Variants in ARHGEF4 observed in about 807,000 individuals in gnomAD.
ARHGEF4 encodes the protein Rho guanine nucleotide exchange factor 4.
In ARHGEF4, 119 loss-of-function variants were observed where a neutral mutation model predicts 162.0. That is an observed-to-expected ratio of 0.73 (90% CI 0.63 to 0.86). The LOEUF is 0.86. Among genes scored for constraint, ARHGEF4 ranks in the 40% least tolerant of loss-of-function variants. The pLI is 0.00. For synonymous variants in ARHGEF4, 1,014 were observed against 979.9 expected (o/e 1.03, Z -0.65); for missense variants, 2,488 against 2,456.0 (o/e 1.01, Z -0.28).
chr2:130,976,442 G>A (rs563387952), intron 4 of ARHGEF4, among the ~76,000 whole-genome samples: 4 of 151,888 alleles, frequency 2.6e-5, no homozygotes, highest in Non-Finnish European at 5.9e-5. Flanking sequence ...GCACCTGCAC[G>A]CAGACGCTGC....
Position 131,046,181 on chromosome 2 carries a change from C to T in ARHGEF4, c.5623C>T (p.Arg1875Cys), listed in dbSNP as rs367890416. The change falls in exon 14 of 14, where the codon CGC (arginine) becomes TGC (cysteine). Residue 1875 changes from arginine (R) to cysteine (C), a missense_variant. Around this residue, in one of 6 missense-constraint regions of ARHGEF4, gnomAD observed 415 missense variants for 512.4 expected, o/e 0.81. Coordinates refer to ENST00000409359, the MANE Select transcript of ARHGEF4 (RefSeq NM_001367493.1). ...WHSISRLAPF[R>C]K ...CAGCATCAGCCGGCTGGCACCCTTCCGCAAGTGAACTGGTCCCTGCCTGAC... is the reference window on the plus strand; with the variant it reads ...CAGCATCAGCCGGCTGGCACCCTTCTGCAAGTGAACTGGTCCCTGCCTGAC... The T allele has an allele frequency of 7.0e-5, 112 of 1,611,504 alleles. No individual in the cohort carries two copies. Among genetic ancestry groups the T allele is most frequent in the Non-Finnish European group, 9.2e-5 (108 of 1,178,938 alleles).
intron 1 of ARHGEF4, among the ~76,000 whole-genome samples, chr2:130,872,337 A>G (rs1678541307): frequency 6.6e-6 from 1 of 152,134 alleles, no homozygotes; most frequent in Non-Finnish European, 1.5e-5. Flanking sequence ...TCCAGAAGGC[A>G]CCAGGAGCAT....
At position 130,914,116 on chromosome 2, in the gene ARHGEF4, C is replaced by T. The variant is rs1462169481; in HGVS notation, c.170C>T (p.Ser57Phe). Residue 57 changes from serine to phenylalanine, a missense_variant, in exon 2 of 14, where the codon TCC becomes TTC. Ser to Phe is a radical substitution (Grantham distance 155). Around this residue, in one of 6 missense-constraint regions of ARHGEF4, gnomAD observed 171 missense variants for 169.4 expected, o/e 1.01. Transcript: ENST00000409359. Reference sequence around the variant, plus strand: ...GACCGCGATGATTCTGAAACGCTGTCCCAGCAGAGTGAAAGTGGATCAGAC... The same window carrying T: ...GACCGCGATGATTCTGAAACGCTGTTCCAGCAGAGTGAAAGTGGATCAGAC... ...QTDRDDSETL[S>F]QQSESGSDTK... 6.5e-7 allele frequency: 1 copy of T among 1,536,142 alleles called. No homozygotes were observed. Among genetic ancestry groups the T allele is most frequent in the South Asian group, 1.2e-5 (1 of 84,062 alleles).
intron 1 of ARHGEF4, among the ~76,000 whole-genome samples, chr2:130,839,581 G>A (rs981522375): frequency 9.9e-5 from 15 of 152,272 alleles, no homozygotes; most frequent in East Asian, 3.9e-4. Context: ...GTCCCTCCCC[G>A]TGCAGGCAGA....
chr2:130,960,515 C>A (rs769133649), intron 4 of ARHGEF4, among the ~76,000 whole-genome samples: 4 of 152,130 alleles, frequency 2.6e-5, no homozygotes, highest in Non-Finnish European at 4.4e-5. Flanking sequence ...CTATGATGTT[C>A]ACACAAGAAA....
chr2:130,981,377 TA>T (rs1489171899), intron 4 of ARHGEF4, among the ~76,000 whole-genome samples: 1 of 151,890 alleles, frequency 6.6e-6, no homozygotes, highest in African/African-American at 2.4e-5. Context: ...CAGCAACAAA[TA>T]AAAACTAGAA....
At chr2:130,841,266 A>G (rs960040800) in intron 1 of ARHGEF4, among the ~76,000 whole-genome samples, 14 of 151,314 alleles carry the variant, frequency 9.3e-5, no homozygotes, top group African/African-American at 2.9e-4. Context: ...GGATTTCGCT[A>G]TGCTGGCCAG....
At chr2:130,875,514 C>T (rs1278412102) in intron 1 of ARHGEF4, among the ~76,000 whole-genome samples, 1 of 152,176 alleles carries the variant, frequency 6.6e-6, no homozygotes. Context: ...GAAGGGAAAG[C>T]AGGCAATTGT....
intron 1 of ARHGEF4, among the ~76,000 whole-genome samples, chr2:130,903,301 C>A (rs72855953): frequency 0.024 from 3,639 of 151,280 alleles, 172 homozygotes; most frequent in East Asian, 0.19. Context: ...TCGCTGTCAC[C>A]AGGCTAGAGT....
At chr2:130,881,652 T>G (rs1679195488) in intron 1 of ARHGEF4, among the ~76,000 whole-genome samples, 1 of 151,950 alleles carries the variant, frequency 6.6e-6, no homozygotes, top group South Asian at 2.1e-4. Context: ...ACGTACAAGG[T>G]TTTGCTATAG....
Position 130,916,866 on chromosome 2 carries a change from C to G in ARHGEF4, c.2920C>G (p.Leu974Val), listed in dbSNP as rs774535174. 4 of 1,550,504 alleles carry G rather than the reference C, an allele frequency of 2.6e-6. No homozygotes were observed. The South Asian group carries it at 4.8e-5, about 18-fold the overall frequency. The change falls in exon 2 of 14, where the codon CTA (leucine) becomes GTA (valine). Residue 974 changes from leucine to valine, a missense_variant. This residue lies in a region of ARHGEF4 where 1,642 missense variants were observed against 1,481.5 expected (regional missense o/e 1.11). Transcript: ENST00000409359. ...PKKPTLVSLP[L>V]GPEVLSPAET... ...AAAGCCCACCCTAGTGAGTCTGCCTCTAGGACCCGAAGTTCTCTCCCCAGC... is the reference window on the plus strand; with the variant it reads ...AAAGCCCACCCTAGTGAGTCTGCCTGTAGGACCCGAAGTTCTCTCCCCAGC...
intron 2 of ARHGEF4, among the ~76,000 whole-genome samples, chr2:130,920,552 CTCTG>C (rs1232477198): frequency 9.9e-5 from 15 of 152,170 alleles, no homozygotes; most frequent in East Asian, 1.9e-4. Context: ...GAAAGGTTCC[CTCTG>C]TCTGGTAGAA....
chr2:130,937,962 C>T (rs1454096152), intron 3 of ARHGEF4, among the ~76,000 whole-genome samples: 2 of 152,090 alleles, frequency 1.3e-5, no homozygotes, highest in African/African-American at 2.4e-5. Flanking sequence ...CCACTGCACC[C>T]GGCCTTTGTA....
At chr2:130,838,523 T>C (rs1814356) in intron 1 of ARHGEF4, among the ~76,000 whole-genome samples, 12,692 of 152,072 alleles carry the variant, frequency 0.083, 713 homozygotes, top group East Asian at 0.19. Flanking sequence ...GGAGAATTGC[T>C]TGAACCCGGG....
rs531782087 is a variant in ARHGEF4 at position 131,020,628 on chromosome 2, T to C, written c.3986-7317T>C. On this transcript the variant is annotated intron_variant, in intron 4 of 13. Transcript: ENST00000409359. ...TGGGTTGGTTCCAAGTCTTTGCTAT[T>C]GTGAATAGTGCTGCAATAAACTTAC... 1.3e-3 allele frequency among the ~76,000 whole-genome samples: 192 copies of C among 152,274 alleles called. 1 individual carries two copies. Among genetic ancestry groups the C allele is most frequent in the Non-Finnish European group, 2.3e-3 (155 of 68,024 alleles).
intron 2 of ARHGEF4, among the ~76,000 whole-genome samples, chr2:130,920,177 C>T (rs1179193969): frequency 6.6e-6 from 1 of 152,160 alleles, no homozygotes; most frequent in Non-Finnish European, 1.5e-5. Context: ...GGCGAGATCA[C>T]GGTTCACTGC....
At chr2:130,909,212 G>A (rs114719704) in intron 1 of ARHGEF4, among the ~76,000 whole-genome samples, 2 of 152,310 alleles carry the variant, frequency 1.3e-5, no homozygotes, top group African/African-American at 2.4e-5. Context: ...ATAAAGACCT[G>A]TACATGGATG....
At chr2:130,893,140 A>G (rs1054986481) in intron 1 of ARHGEF4, among the ~76,000 whole-genome samples, 21 of 152,176 alleles carry the variant, frequency 1.4e-4, no homozygotes, top group African/African-American at 5.1e-4. Flanking sequence ...GTTTCACGCT[A>G]GGTTTCTCTT....
At chr2:130,979,074 G>A (rs1046621084) in intron 4 of ARHGEF4, among the ~76,000 whole-genome samples, 1 of 152,054 alleles carries the variant, frequency 6.6e-6, no homozygotes, top group African/African-American at 2.4e-5. Flanking sequence ...TTTTTGAGAA[G>A]GATCAAAGTA....
Sources: allele counts gnomAD v4.1 joint callset (sites outside exome capture counted in the v4.1 genomes callset), GRCh38; gene constraint gnomAD v4.1.1; regional missense constraint gnomAD v4.1.1; transcripts MANE v1.5; gene names NCBI Gene and HGNC (gene_info 2026-07-23, HGNC 2026-07-21).